LRP2: variants seen among roughly 807,000 people sequenced by gnomAD.
LRP2 encodes the protein LDL receptor related protein 2.
A neutral mutation model predicts 531.0 loss-of-function variants in LRP2; 172 were observed. The ratio of observed to expected loss-of-function variants is 0.32; its 90% confidence interval spans 0.29 to 0.37. The LOEUF (loss-of-function observed/expected upper bound fraction) is 0.37. Ranked by LOEUF, LRP2 falls within the 10% of genes least tolerant of loss-of-function variation. The pLI, the probability that LRP2 is intolerant of heterozygous loss-of-function variation, is 1.00. For missense variants in LRP2, 5,167 were observed against 5,868.3 expected, an observed-to-expected ratio of 0.88 and a Z score of 3.90; for synonymous variants, 1,992 against 2,027.6, an observed-to-expected ratio of 0.98 and a Z score of 0.47.
chr2:169,128,934 C>CT, intron 78 of LRP2, 79 bp downstream of exon 78: 5 of 1,537,486 alleles, frequency 3.3e-6, no homozygotes, highest in Non-Finnish European at 4.5e-6. Context: ...TCAGAATAAT[C>CT]TAAGTGTGTG....
At position 169,280,422 on chromosome 2, in the gene LRP2, A is replaced by C; in HGVS notation, c.1269T>G (p.Arg423=). ...GGAAAGCCACACCCACGGCCACTCCACGATTCTGAGACTCCACTAGGATCC... is the reference window on the plus strand; with the variant it reads ...GGAAAGCCACACCCACGGCCACTCCCCGATTCTGAGACTCCACTAGGATCC... ...SFRILVESQN[R]GVAVGVAFHY... The change falls in exon 11 of 79, where the codon CGT becomes CGG. Residue 423 remains arginine, a synonymous_variant. Coordinates refer to ENST00000649046, the MANE Select transcript of LRP2 (RefSeq NM_004525.3). 1 of 1,614,180 alleles carries C rather than the reference A, an allele frequency of 6.2e-7. No individual in the cohort carries two copies. Among genetic ancestry groups the C allele is most frequent in the Non-Finnish European group, 8.5e-7 (1 of 1,180,038 alleles).
chr2:169,318,734 A>G, intron 3 of LRP2, 28 bp downstream of exon 3: 1 of 1,614,000 alleles, frequency 6.2e-7, no homozygotes, highest in Non-Finnish European at 8.5e-7. Context: ...CCACAAAGCC[A>G]AAGCAAGATT....
intron 68 of LRP2, among the ~76,000 whole-genome samples, chr2:169,150,446 T>C (rs999542517): frequency 6.6e-6 from 1 of 152,224 alleles, no homozygotes; most frequent in Admixed American, 6.5e-5. Flanking sequence ...ATGGATAATA[T>C]ATATTTATAC....
chr2:169,340,193 C>T (rs1297930965), intron 1 of LRP2, among the ~76,000 whole-genome samples: 1 of 151,876 alleles, frequency 6.6e-6, no homozygotes, highest in Non-Finnish European at 1.5e-5. Context: ...CCAGTTTTTC[C>T]ATCATTCCCC....
intron 3 of LRP2, among the ~76,000 whole-genome samples, chr2:169,312,031 T>C (rs1684612840): frequency 6.6e-6 from 1 of 152,166 alleles, no homozygotes; most frequent in South Asian, 2.1e-4. Flanking sequence ...ACCCCTGCCT[T>C]TTTTTGTGTT....
intron 1 of LRP2, among the ~76,000 whole-genome samples, chr2:169,335,536 C>T (rs1426228667): frequency 6.6e-6 from 1 of 152,174 alleles, no homozygotes; most frequent in Non-Finnish European, 1.5e-5. Flanking sequence ...AAAAGTTTGG[C>T]CAGCACAGTA....
chr2:169,224,542 T>C (rs890119990), intron 33 of LRP2, among the ~76,000 whole-genome samples: 1 of 152,198 alleles, frequency 6.6e-6, no homozygotes, highest in African/African-American at 2.4e-5. Context: ...ACTGGAGCCA[T>C]AGAAAGATTT....
At chr2:169,327,548 C>T (rs1464668636) in intron 1 of LRP2, among the ~76,000 whole-genome samples, 5 of 130,500 alleles carry the variant, frequency 3.8e-5, no homozygotes, top group Admixed American at 7.2e-5. Flanking sequence ...GTCAGCCCCC[C>T]GCCCGGCCAG....
At chr2:169,217,777 TC>T (rs1389405186) in intron 34 of LRP2, among the ~76,000 whole-genome samples, 1 of 152,166 alleles carries the variant, frequency 6.6e-6, no homozygotes, top group African/African-American at 2.4e-5. Context: ...AATTTCGAAT[TC>T]CTTCCCCATA....
At position 169,176,436 on chromosome 2, in the gene LRP2, GGGTGCT is replaced by G. The variant is rs1687197530; in HGVS notation, c.10540_10545del (p.Ser3514_Thr3515del). The G allele has an allele frequency of 1.2e-6, 2 of 1,614,040 alleles. No homozygotes were observed. Among genetic ancestry groups the G allele is most frequent in the Non-Finnish European group, 1.7e-6 (2 of 1,180,048 alleles). On this transcript the variant is annotated inframe_deletion, in exon 54 of 79. Coordinates refer to ENST00000649046, the MANE Select transcript of LRP2 (RefSeq NM_004525.3). ...TTTTCATTGTTAGCGCACAGGAACT[GGGTGCT>G]GGAGCACATGGGCATGCAGTAGGTG...
At chr2:169,131,829 AG>A (rs529089537) in intron 77 of LRP2, among the ~76,000 whole-genome samples, 1 of 152,374 alleles carries the variant, frequency 6.6e-6, no homozygotes, top group Non-Finnish European at 1.5e-5. Flanking sequence ...CAGTTTGTCC[AG>A]ATTCAAACAG....
chr2:169,181,250 T>A (rs1016396579), intron 52 of LRP2, among the ~76,000 whole-genome samples, 198 bp downstream of exon 52: 3 of 152,120 alleles, frequency 2.0e-5, no homozygotes, highest in African/African-American at 7.2e-5. Context: ...CTGATCCATA[T>A]GATTTAAAAG....
chr2:169,198,833 C>T lies in LRP2; in HGVS notation c.8531G>A (p.Gly2844Glu). 4.3e-6 allele frequency: 7 copies of T among 1,614,056 alleles called. No homozygotes were observed. Among genetic ancestry groups the T allele is most frequent in the Non-Finnish European group, 5.1e-6 (6 of 1,179,946 alleles). Reference protein sequence around the residue: ...ICIPRVYLCDGDNDCGDNSDE... With the variant: ...ICIPRVYLCDEDNDCGDNSDE... Reference sequence around the variant, plus strand: ...ACTGTTATCTCCACAGTCATTGTCTCCGTCACACAAATAAACGCGAGGAAT... The same window carrying T: ...ACTGTTATCTCCACAGTCATTGTCTTCGTCACACAAATAAACGCGAGGAAT... The change falls in exon 45 of 79, where the codon GGA (glycine) becomes GAA (glutamate). Residue 2844 changes from glycine (G) to glutamate (E), a missense_variant. By Grantham distance (98) the Gly-to-Glu change is moderately conservative. Transcript: ENST00000649046.
At chr2:169,314,296 A>G (rs1429799996) in intron 3 of LRP2, among the ~76,000 whole-genome samples, 1 of 152,052 alleles carries the variant, frequency 6.6e-6, no homozygotes, top group African/African-American at 2.4e-5. Context: ...CTGTAGTCGT[A>G]GCTATTTGGA....
chr2:169,188,070 T>C lies in LRP2; in HGVS notation c.9228A>G (p.Pro3076=), dbSNP rs767046145. Residue 3076 remains proline (P), a synonymous_variant, in exon 49 of 79, where the codon CCA becomes CCG. Coordinates refer to ENST00000649046, the MANE Select transcript of LRP2 (RefSeq NM_004525.3). The part of the protein sequence containing the change: ...HLCHTPEPTC[P]PHEFKCDNGR... ...CATTGTCACACTTGAACTCGTGAGG[T>C]GGACACGTGGGTTCTGGGGTGTGGC... is the stretch of plus-strand genomic sequence containing the variant. The C allele has an allele frequency of 5.6e-6, 9 of 1,613,964 alleles. No homozygotes were observed. In the Admixed American group the frequency reaches 1.3e-4, roughly 24 times the overall value.
intron 48 of LRP2, among the ~76,000 whole-genome samples, chr2:169,190,618 T>C (rs1405907548): frequency 2.0e-5 from 3 of 152,180 alleles, no homozygotes; most frequent in Non-Finnish European, 4.4e-5. Flanking sequence ...CCCACTGTCT[T>C]CCTTCGCATG....
chr2:169,350,723 CAAAA>C (rs35301449), intron 1 of LRP2, among the ~76,000 whole-genome samples: 4 of 68,238 alleles, frequency 5.9e-5, no homozygotes, highest in African/African-American at 1.9e-4. Flanking sequence ...GACTCCATCG[CAAAA>C]AAAAAAAAAA....
intron 13 of LRP2, among the ~76,000 whole-genome samples, chr2:169,276,042 A>G (rs1683544348): frequency 6.6e-6 from 1 of 152,094 alleles, no homozygotes; most frequent in African/African-American, 2.4e-5. Flanking sequence ...GAAAAATCTT[A>G]GCATCCCCTG....
At chr2:169,294,436 T>C (rs1175118121) in intron 5 of LRP2, among the ~76,000 whole-genome samples, 164 bp downstream of exon 5, 1 of 152,190 alleles carries the variant, frequency 6.6e-6, no homozygotes. Context: ...GTTTGTAGTG[T>C]TTGCCGATTT....
Sources: gnomAD v4.1 joint callset for allele counts (sites outside exome capture counted in the v4.1 genomes callset) on GRCh38, gnomAD v4.1.1 for gene constraint, MANE v1.5 for transcripts, NCBI Gene and HGNC (gene_info 2026-07-23, HGNC 2026-07-21) for gene names.